The following USP54 variants were observed in gnomAD, a reference collection of about 807,000 sequenced individuals.
USP54 encodes the protein ubiquitin specific peptidase 54.
A neutral mutation model predicts 170.5 loss-of-function variants in USP54; 87 were observed. The observed-to-expected ratio is 0.51, with a 90% CI of 0.43 to 0.61. The LOEUF (loss-of-function observed/expected upper bound fraction) is 0.61, where lower values mean the gene tolerates loss of function less well. Ranked by LOEUF, USP54 falls within the 20% of genes least tolerant of loss-of-function variation. The pLI is 0.00. For missense variants in USP54, 1,786 were observed against 2,047.8 expected, an observed-to-expected ratio of 0.87 and a Z score of 2.47; for synonymous variants, 655 against 742.8, an observed-to-expected ratio of 0.88 and a Z score of 1.92.
intron 4 of USP54, among the ~76,000 whole-genome samples, chr10:73,553,848 T>C (rs1231400908): frequency 1.3e-5 from 2 of 152,204 alleles, no homozygotes; most frequent in African/African-American, 4.8e-5. Context: ...TGTTAACTAG[T>C]TTCTTGGATG....
chr10:73,616,806 CAGAG>C (rs1303479360), intron 1 of USP54, among the ~76,000 whole-genome samples: 2 of 150,172 alleles, frequency 1.3e-5, no homozygotes, highest in Non-Finnish European at 2.9e-5. Flanking sequence ...ACCTTAACAA[CAGAG>C]AGAGACTCTG....
At chr10:73,588,752 C>A (rs1379283153) in intron 1 of USP54, among the ~76,000 whole-genome samples, 1 of 152,194 alleles carries the variant, frequency 6.6e-6, no homozygotes, top group Admixed American at 6.5e-5. Flanking sequence ...ACCTCATCTA[C>A]CCTTAAAACA....
At chr10:73,581,002 A>G (rs1315659717) in intron 1 of USP54, among the ~76,000 whole-genome samples, 1 of 152,280 alleles carries the variant, frequency 6.6e-6, no homozygotes, top group Non-Finnish European at 1.5e-5. Context: ...CACTTAAATG[A>G]TATTCACACA....
chr10:73,530,028 C>T, intron 14 of USP54, 115 bp downstream of exon 14: 1 of 1,497,506 alleles, frequency 6.7e-7, no homozygotes, highest in Non-Finnish European at 8.9e-7. Flanking sequence ...ATCCCTAAAA[C>T]ACCCGACATC....
chr10:73,613,856 GGT>G (rs963373462), intron 1 of USP54: 1 of 151,964 alleles, frequency 6.6e-6, no homozygotes, highest in African/African-American at 2.4e-5. Context: ...CTCCAGCCTA[GGT>G]GACAGAGCAA....
intron 20 of USP54, among the ~76,000 whole-genome samples, chr10:73,514,816 G>T (rs982314438): frequency 3.9e-5 from 6 of 152,016 alleles, no homozygotes; most frequent in Non-Finnish European, 1.5e-5. Flanking sequence ...GAGGCGGGGG[G>T]ATCACCTGAG....
intron 1 of USP54, among the ~76,000 whole-genome samples, chr10:73,577,682 T>G (rs1589259751): frequency 6.6e-6 from 1 of 152,224 alleles, no homozygotes; most frequent in Non-Finnish European, 1.5e-5. Flanking sequence ...CACTGGTAAG[T>G]GGCAGATCTA....
chr10:73,549,116 T>C (rs1403392791), intron 4 of USP54, among the ~76,000 whole-genome samples: 1 of 152,222 alleles, frequency 6.6e-6, no homozygotes, highest in Non-Finnish European at 1.5e-5. Context: ...CCTTCAGGTT[T>C]TCTTCCTACC....
At chr10:73,546,778 A>G (rs2067940458) in intron 4 of USP54, 2 of 152,154 alleles carry the variant, frequency 1.3e-5, no homozygotes. Flanking sequence ...TAGCATTTTT[A>G]TCGGGTCACT....
chr10:73,596,964 A>C (rs2078786718), intron 1 of USP54, among the ~76,000 whole-genome samples: 2 of 152,310 alleles, frequency 1.3e-5, no homozygotes, highest in South Asian at 4.1e-4. Flanking sequence ...CATGCATGAC[A>C]TTGTGAAGAA....
At chr10:73,596,242 T>C (rs947237873), upstream of USP54, among the ~76,000 whole-genome samples, 1 of 151,434 alleles carries the variant, frequency 6.6e-6, no homozygotes, top group African/African-American at 2.4e-5. Context: ...ACCAACATGG[T>C]GAAACCCCAT....
At chr10:73,582,456 G>C (rs1382112870) in intron 1 of USP54, among the ~76,000 whole-genome samples, 1 of 151,812 alleles carries the variant, frequency 6.6e-6, no homozygotes, top group Non-Finnish European at 1.5e-5. Context: ...TGCGATCTTG[G>C]CTCACTGCAA....
rs199580962 is a variant in USP54 at position 73,517,314 on chromosome 10, C to A, written c.3112G>T (p.Val1038Leu). Residue 1038 changes from valine to leucine, a missense_variant, in exon 20 of 24, where the codon GTG becomes TTG. Around this residue, in one of 3 missense-constraint regions of USP54, gnomAD observed 1,418 missense variants for 1,569.0 expected, o/e 0.90. Transcript: ENST00000687698. The part of the protein sequence containing the change: ...EKKDPANPSP[V>L]MPGIATSERG... ...TCAGAGGTGGCTATTCCAGGCATCA[C>A]CGGGGAGGGGTTAGCAGGATCCTTC... 1 of 1,612,570 alleles carries A rather than the reference C, an allele frequency of 6.2e-7. No homozygotes were observed. The highest frequency in any genetic ancestry group is 1.3e-5 in the African/African-American group (1 of 74,944).
At chr10:73,612,655 A>G (rs1260355526) in intron 1 of USP54, among the ~76,000 whole-genome samples, 1 of 152,046 alleles carries the variant, frequency 6.6e-6, no homozygotes, top group African/African-American at 2.4e-5. Context: ...TAGCCTGGCC[A>G]ACATAGCAAA....
intron 1 of USP54, among the ~76,000 whole-genome samples, chr10:73,606,175 C>CAAAAAAAAAAAAAAAAAAAAAAAAAAAA (rs1178699732): frequency 3.9e-5 from 1 of 25,592 alleles, no homozygotes; most frequent in African/African-American, 1.0e-4. Flanking sequence ...GAGGCTGTCT[C>CAAAAAAAAAAAAAAAAAAAAAAAAAAAA]AAAAAAAAAA....
intron 5 of USP54, among the ~76,000 whole-genome samples, chr10:73,543,902 T>G (rs548955603): frequency 1.3e-5 from 2 of 152,294 alleles, no homozygotes; most frequent in Admixed American, 1.3e-4. Flanking sequence ...CTCCATCATT[T>G]TATTTCAAGA....
chr10:73,558,094 A>T (rs1396143091), intron 4 of USP54, among the ~76,000 whole-genome samples: 1 of 151,848 alleles, frequency 6.6e-6, no homozygotes, highest in African/African-American at 2.4e-5. Context: ...GTTGGCCAGG[A>T]TGGTCTCGAT....
upstream of USP54, among the ~76,000 whole-genome samples, chr10:73,592,047 CCT>C (rs1372780465): frequency 2.0e-5 from 3 of 151,940 alleles, no homozygotes; most frequent in African/African-American, 7.3e-5. Context: ...GATCTCCACC[CCT>C]CTCTCGGGGA....
chr10:73,557,605 C>T (rs2071470116), intron 4 of USP54, among the ~76,000 whole-genome samples: 1 of 151,970 alleles, frequency 6.6e-6, no homozygotes, highest in Non-Finnish European at 1.5e-5. Context: ...CCTGCCTCAG[C>T]CTCCCGAGTA....
Sources: allele counts gnomAD v4.1 joint callset (sites outside exome capture counted in the v4.1 genomes callset), GRCh38; gene constraint gnomAD v4.1.1; regional missense constraint gnomAD v4.1.1; transcripts MANE v1.5; gene names NCBI Gene and HGNC (gene_info 2026-07-23, HGNC 2026-07-21).